The following WDR64 variants were observed in gnomAD, a reference collection of about 807,000 sequenced individuals.
WDR64 encodes the protein WD repeat-containing protein 64.
Under a neutral mutation model 139.3 loss-of-function variants are expected in WDR64, and 112 were observed. That is an observed-to-expected ratio of 0.80 (90% CI 0.69 to 0.94). The LOEUF (loss-of-function observed/expected upper bound fraction) is 0.94, where lower values mean the gene tolerates loss of function less well. WDR64 is among the 40% of genes least tolerant of loss of function. WDR64 has a pLI of 0.00. For missense variants in WDR64, 1,206 were observed against 1,293.1 expected, an observed-to-expected ratio of 0.93 and a Z score of 1.03; for synonymous variants, 444 against 437.7, an observed-to-expected ratio of 1.01 and a Z score of -0.18.
chr1:241,800,278 T>C (rs1323548569), intron 27 of WDR64, among the ~76,000 whole-genome samples: 2 of 152,156 alleles, frequency 1.3e-5, no homozygotes, highest in Non-Finnish European at 2.9e-5. Flanking sequence ...GGTTGAATCT[T>C]GACCTTAGGA....
At chr1:241,725,270 C>G (rs1412305897) in intron 10 of WDR64, among the ~76,000 whole-genome samples, 1 of 151,078 alleles carries the variant, frequency 6.6e-6, no homozygotes, top group Non-Finnish European at 1.5e-5. Flanking sequence ...AAAGGATGCT[C>G]AATGCACTAT....
At chr1:241,652,715 A>G in intron 1 of WDR64, 86 bp downstream of exon 1, 1 of 1,465,342 alleles carries the variant, frequency 6.8e-7, no homozygotes, top group Non-Finnish European at 9.1e-7. Flanking sequence ...GAAGCATCAG[A>G]GCTTAATGTG....
chr1:241,754,320 C>CTTTTTTTTTTTTTTT (rs71174845), intron 14 of WDR64, among the ~76,000 whole-genome samples: 42 of 81,848 alleles, frequency 5.1e-4, no homozygotes, highest in African/African-American at 6.6e-4. Context: ...TTTTCTTTTT[C>CTTTTTTTTTTTTTTT]TTTTTTTTTT....
At chr1:241,751,670 G>A (rs933046054) in intron 14 of WDR64, among the ~76,000 whole-genome samples, 5 of 152,048 alleles carry the variant, frequency 3.3e-5, no homozygotes, top group Non-Finnish European at 5.9e-5. Context: ...TTCTGTTCTT[G>A]GTTTTATTTT....
Position 241,802,425 on chromosome 1 carries a change from A to G in WDR64, c.*1210A>G, listed in dbSNP as rs1287856283. On this transcript the variant is annotated 3_prime_UTR_variant, in exon 28 of 28. Transcript: ENST00000437684. ...ATCACAGAGAGATTTAGAGATTTAG[A>G]AGGGGTATGAAAGAACTTTCTGGGG... is the stretch of plus-strand genomic sequence containing the variant. Among the ~76,000 whole-genome samples, 1 of 152,182 alleles carries G rather than the reference A, an allele frequency of 6.6e-6. No homozygotes were observed. Among genetic ancestry groups the G allele is most frequent in the Non-Finnish European group, 1.5e-5 (1 of 68,014 alleles).
chr1:241,762,774 CA>C (rs71691250), intron 15 of WDR64, among the ~76,000 whole-genome samples: 9,971 of 133,054 alleles, frequency 0.075, 335 homozygotes, highest in African/African-American at 0.086. Flanking sequence ...AGCTTCCTTG[CA>C]AAAAAAAAAA....
chr1:241,698,011 C>CTT (rs1667564981), intron 8 of WDR64, among the ~76,000 whole-genome samples: 1 of 152,168 alleles, frequency 6.6e-6, no homozygotes, highest in Non-Finnish European at 1.5e-5. Context: ...ATTCTATCCT[C>CTT]TTCTTGGGTG....
chr1:241,733,289 A>G (rs1295938275), intron 10 of WDR64, among the ~76,000 whole-genome samples: 2 of 152,168 alleles, frequency 1.3e-5, no homozygotes. Flanking sequence ...AGCCTGGCCA[A>G]CATGGTGAAA....
chr1:241,658,674 C>T (rs980172452), intron 1 of WDR64, among the ~76,000 whole-genome samples: 1 of 150,364 alleles, frequency 6.7e-6, no homozygotes, highest in African/African-American at 2.4e-5. Context: ...GCTGTTTGCT[C>T]ACTTCCACCT....
At chr1:241,781,655 A>G (rs1658850156) in intron 22 of WDR64, among the ~76,000 whole-genome samples, 2 of 152,262 alleles carry the variant, frequency 1.3e-5, no homozygotes, top group East Asian at 1.9e-4. Flanking sequence ...ATATACACAC[A>G]TACAGAAAGG....
chr1:241,784,952 T>TG (rs201471945), intron 23 of WDR64, among the ~76,000 whole-genome samples: 26,740 of 54,206 alleles, frequency 0.49, 5,936 homozygotes, highest in Middle Eastern at 0.69. Context: ...AGACTCTGTC[T>TG]GAAAAAAAAA....
intron 10 of WDR64, among the ~76,000 whole-genome samples, chr1:241,725,455 C>A (rs1163296153): frequency 5.3e-5 from 8 of 151,972 alleles, no homozygotes; most frequent in African/African-American, 1.9e-4. Context: ...CCCTCATACA[C>A]CCTCTACCCG....
chr1:241,696,565 G>C lies in WDR64; in HGVS notation c.974+8970G>C, dbSNP rs748385166. On this transcript the variant is annotated intron_variant, in intron 8 of 27. Coordinates refer to ENST00000437684, the MANE Select transcript of WDR64 (RefSeq NM_001367482.1). ...TGGATTATTTCTGAGTTTTCTGGGA[G>C]AGGGGTGAGCAATTCCTGGAACTGA... 5.1e-4 allele frequency among the ~76,000 whole-genome samples: 77 copies of C among 152,172 alleles called. 1 individual carries two copies. The highest frequency in any genetic ancestry group is 3.8e-4 in the Non-Finnish European group (26 of 68,036).
At position 241,731,554 on chromosome 1, in the gene WDR64, G is replaced by T. The variant is rs149797075; in HGVS notation, c.1195-6809G>T. 7.5e-3 allele frequency among the ~76,000 whole-genome samples: 1,135 copies of T among 152,266 alleles called. 15 individuals are homozygous for T. Among genetic ancestry groups the T allele is most frequent in the African/African-American group, 0.023 (949 of 41,554 alleles). On this transcript the variant is annotated intron_variant, in intron 10 of 27. Transcript: ENST00000437684. Reference sequence around the variant, plus strand: ...CACACAGTTATTGGACGTGAATCAGGATTCAACTGAGATAGTCTGCCTCCT... The same window carrying T: ...CACACAGTTATTGGACGTGAATCAGTATTCAACTGAGATAGTCTGCCTCCT...
chr1:241,782,163 C>T (rs556135275), intron 22 of WDR64, among the ~76,000 whole-genome samples: 4 of 152,278 alleles, frequency 2.6e-5, no homozygotes, highest in East Asian at 3.9e-4. Context: ...CGGCACGTGC[C>T]GGTAGTCACA....
At chr1:241,763,667 T>C (rs57202285) in intron 15 of WDR64, among the ~76,000 whole-genome samples, 3,891 of 152,330 alleles carry the variant, frequency 0.026, 156 homozygotes, top group African/African-American at 0.087. Context: ...ATCATGCCAT[T>C]GCACTCCAGC....
intron 12 of WDR64, among the ~76,000 whole-genome samples, chr1:241,741,930 A>G (rs991731712): frequency 6.6e-6 from 1 of 152,230 alleles, no homozygotes; most frequent in African/African-American, 2.4e-5. Flanking sequence ...AAGGAAATAT[A>G]TCAAGAAGAC....
At chr1:241,700,552 A>G (rs1667673034) in intron 8 of WDR64, among the ~76,000 whole-genome samples, 1 of 152,200 alleles carries the variant, frequency 6.6e-6, no homozygotes, top group Admixed American at 6.5e-5. Context: ...CTGGGAGGAC[A>G]GTTTACATGG....
Position 241,770,775 on chromosome 1 carries a change from T to G in WDR64, c.2253+85T>G, listed in dbSNP as rs1001945294. Reference sequence around the variant, plus strand: ...GTGCTATTGAGCACATTTGAGCCCCTCCTTTGATAGAAGGTAACAGTGGAA... The same window carrying G: ...GTGCTATTGAGCACATTTGAGCCCCGCCTTTGATAGAAGGTAACAGTGGAA... On this transcript the variant is annotated intron_variant, in intron 18 of 27. Transcript: ENST00000437684. 5.7e-6 allele frequency: 7 copies of G among 1,233,232 alleles called. No homozygotes were observed. In the African/African-American group the frequency reaches 1.1e-4, roughly 19 times the overall value. The allele number at this position is 1,233,232 out of a possible 1,614,324, so 76.4% of individuals were successfully genotyped here.
Sources: gnomAD v4.1 joint callset for allele counts (sites outside exome capture counted in the v4.1 genomes callset) on GRCh38, gnomAD v4.1.1 for gene constraint, MANE v1.5 for transcripts, NCBI Gene and HGNC (gene_info 2026-07-23, HGNC 2026-07-21) for gene names.